AP1AR: variants seen among roughly 807,000 people sequenced by gnomAD.
AP1AR encodes the protein adaptor related protein complex 1 associated regulatory protein.
In AP1AR, 29 loss-of-function variants were observed where a neutral mutation model predicts 46.3. That is an observed-to-expected ratio of 0.63 (90% CI 0.47 to 0.85). AP1AR has a LOEUF of 0.85. Among genes scored for constraint, AP1AR ranks in the 40% least tolerant of loss-of-function variants. AP1AR has a pLI of 0.00. For missense variants in AP1AR, 357 were observed against 356.3 expected (o/e 1.00, Z -0.02); for synonymous variants, 122 against 122.9 (o/e 0.99, Z 0.05).
At chr4:112,266,351 T>TATA (rs1726705713) in intron 8 of AP1AR, among the ~76,000 whole-genome samples, 1 of 151,870 alleles carries the variant, frequency 6.6e-6, no homozygotes, top group South Asian at 2.1e-4. Flanking sequence ...TTGAAAAGTT[T>TATA]ATAATCATTT....
At chr4:112,263,117 G>C (rs753408969) in intron 6 of AP1AR, 31 bp downstream of exon 6, 45 of 1,551,280 alleles carry the variant, frequency 2.9e-5, no homozygotes, top group Non-Finnish European at 3.6e-5. Flanking sequence ...CATATATTAG[G>C]GTTGCTTTTC....
At chr4:112,259,535 T>C (rs933543716) in intron 4 of AP1AR, among the ~76,000 whole-genome samples, 14 of 152,310 alleles carry the variant, frequency 9.2e-5, no homozygotes, top group African/African-American at 3.1e-4. Context: ...ATGCTGACTA[T>C]TGATATTATA....
chr4:112,263,849 A>G (rs898989597), intron 6 of AP1AR, among the ~76,000 whole-genome samples: 7 of 152,240 alleles, frequency 4.6e-5, no homozygotes, highest in Non-Finnish European at 5.9e-5. Context: ...TTGAGATCCT[A>G]CAGTTAATAA....
In AP1AR at chr4:112,272,125, C is replaced by T. The variant is rs1291485859; in HGVS notation, c.*3716C>T. Among the ~76,000 whole-genome samples, 1 of 152,116 alleles carries T rather than the reference C, an allele frequency of 6.6e-6. No individual in the cohort carries two copies. The highest frequency in any genetic ancestry group is 2.4e-5 in the African/African-American group (1 of 41,420). On this transcript the variant is annotated 3_prime_UTR_variant, in exon 10 of 10. Coordinates refer to ENST00000274000, the MANE Select transcript of AP1AR (RefSeq NM_018569.6). ...GTTGGGGATGAAGAATAAAGAACAG[C>T]TAATGCAGACAATTTGAAAAGAGAG...
chr4:112,249,801 G>T (rs890020964), intron 1 of AP1AR, among the ~76,000 whole-genome samples: 1 of 152,154 alleles, frequency 6.6e-6, no homozygotes, highest in African/African-American at 2.4e-5. Flanking sequence ...AGATGTTGGC[G>T]AGGATGTGGG....
chr4:112,265,372 C>A, intron 7 of AP1AR: 1 of 353,132 alleles, frequency 2.8e-6, no homozygotes, highest in Non-Finnish European at 5.0e-6. Flanking sequence ...TTCCTTAGTC[C>A]CTCTCTTTCT....
At chr4:112,242,963 A>G (rs540544143) in intron 1 of AP1AR, among the ~76,000 whole-genome samples, 16 of 152,278 alleles carry the variant, frequency 1.1e-4, no homozygotes, top group Admixed American at 3.3e-4. Context: ...GTACACTTCT[A>G]TTTTCTTTAA....
At chr4:112,255,437 C>T (rs11940169) in intron 3 of AP1AR, among the ~76,000 whole-genome samples, 90,082 of 151,982 alleles carry the variant, frequency 0.59, 28,055 homozygotes, top group African/African-American at 0.8. Context: ...TTGTTGTTGC[C>T]GTTGTTTTCT....
chr4:112,249,107 A>G (rs1725842973), intron 1 of AP1AR, among the ~76,000 whole-genome samples: 1 of 152,086 alleles, frequency 6.6e-6, no homozygotes, highest in South Asian at 2.1e-4. Context: ...AGCCTGACCA[A>G]CATGGAGAAA....
chr4:112,238,174 A>G (rs1467821690), intron 1 of AP1AR, among the ~76,000 whole-genome samples: 1 of 152,260 alleles, frequency 6.6e-6, no homozygotes, highest in Non-Finnish European at 1.5e-5. Context: ...AGAGCTCCTC[A>G]AGGAGGTCAA....
intron 1 of AP1AR, 129 bp downstream of exon 1, chr4:112,232,303 C>CT (rs1254468591): frequency 5.5e-5 from 42 of 759,234 alleles, no homozygotes; most frequent in Middle Eastern, 8.6e-4. Context: ...CACTGCTTAG[C>CT]AGACGTCAGA....
At chr4:112,234,659 T>TTG (rs67764632) in intron 1 of AP1AR, among the ~76,000 whole-genome samples, 41 of 55,962 alleles carry the variant, frequency 7.3e-4, no homozygotes, top group South Asian at 1.3e-3. Flanking sequence ...CTTATTTTAG[T>TTG]TTTTTTTTTT....
chr4:112,233,497 T>C (rs1053687898), intron 1 of AP1AR, among the ~76,000 whole-genome samples: 4 of 152,264 alleles, frequency 2.6e-5, no homozygotes, highest in Admixed American at 2.6e-4. Context: ...GTCAAGCTGC[T>C]TAAGTAGGCT....
intron 4 of AP1AR, among the ~76,000 whole-genome samples, chr4:112,259,170 T>G (rs1726334504): frequency 6.6e-6 from 1 of 152,186 alleles, no homozygotes; most frequent in Non-Finnish European, 1.5e-5. Flanking sequence ...AGATAAGGAC[T>G]TAAAATTGTG....
chr4:112,243,676 C>G (rs889149573), intron 1 of AP1AR, among the ~76,000 whole-genome samples: 2 of 152,140 alleles, frequency 1.3e-5, no homozygotes, highest in Non-Finnish European at 2.9e-5. Flanking sequence ...TTACTTCACC[C>G]TTCTGTTGAT....
intron 1 of AP1AR, among the ~76,000 whole-genome samples, chr4:112,243,383 C>T (rs1211199695): frequency 2.0e-5 from 3 of 152,178 alleles, no homozygotes; most frequent in Admixed American, 6.5e-5. Context: ...TTTTCCAGTC[C>T]GTCTCCCAAA....
chr4:112,235,132 A>G (rs1417640270), intron 1 of AP1AR, among the ~76,000 whole-genome samples: 1 of 152,208 alleles, frequency 6.6e-6, no homozygotes, highest in Non-Finnish European at 1.5e-5. Context: ...TCTTTAAGGA[A>G]TAAAACTTAG....
chr4:112,268,277 G>A lies in AP1AR; in HGVS notation c.777G>A (p.Glu259=). ...CCTCTGATGATTCCAATGGGCTGGA[G>A]TGGGAAAATGATTTTGTTAGTGCCG... The part of the protein sequence containing the change: ...TSASDDSNGL[E]WENDFVSAEM... Residue 259 remains glutamate, a synonymous_variant, in exon 10 of 10, where the codon GAG becomes GAA. Transcript: ENST00000274000. 1 of 1,613,300 alleles carries A rather than the reference G, an allele frequency of 6.2e-7. No individual in the cohort carries two copies. The highest frequency in any genetic ancestry group is 8.5e-7 in the Non-Finnish European group (1 of 1,179,458).
At chr4:112,265,191 C>T (rs746890469) in intron 7 of AP1AR, 124 bp downstream of exon 7, 2 of 659,612 alleles carry the variant, frequency 3.0e-6, no homozygotes, top group Non-Finnish European at 4.9e-6. Flanking sequence ...AAAATTATTC[C>T]TTCTAAAAGA....
Sources: allele counts gnomAD v4.1 joint callset (sites outside exome capture counted in the v4.1 genomes callset), GRCh38; gene constraint gnomAD v4.1.1; transcripts MANE v1.5; gene names NCBI Gene and HGNC (gene_info 2026-07-23, HGNC 2026-07-21).